Variants in UBE2U observed in about 807,000 individuals in gnomAD.
UBE2U encodes ubiquitin-conjugating enzyme E2 U.
A neutral mutation model predicts 41.2 loss-of-function variants in UBE2U; 39 were observed. The ratio of observed to expected loss-of-function variants is 0.95; its 90% CI spans 0.73 to 1.24. The LOEUF is 1.24. UBE2U is among the 50% of genes most tolerant of loss of function. UBE2U has a pLI of 0.00. For missense variants in UBE2U, 336 were observed against 363.1 expected, an observed-to-expected ratio of 0.93 and a Z score of 0.61; for synonymous variants, 107 against 117.8, an observed-to-expected ratio of 0.91 and a Z score of 0.60.
rs1645267240 is a variant in UBE2U, at chr1:64,267,174, C to A, written c.920C>A (p.Thr307Asn). 1 of 1,539,602 alleles carries A rather than the reference C, an allele frequency of 6.5e-7. No homozygotes were observed. Among genetic ancestry groups the A allele is most frequent in the African/African-American group, 1.4e-5 (1 of 72,204 alleles). Residue 307 changes from threonine to asparagine, a missense_variant, in exon 10 of 10, where the codon ACC becomes AAC. Physicochemically the swap from Thr to Asn is moderately conservative, Grantham distance 65. Transcript: ENST00000371077. ...GAAGTGGAAGATCTGATCTCCTGGA[C>A]CAATACTCTCAATACAAATACTTCA... The part of the protein sequence containing the change: ...EEEVEDLISW[T>N]NTLNTNTSED
intron 7 of UBE2U, among the ~76,000 whole-genome samples, chr1:64,237,189 T>C (rs1350603316): frequency 1.3e-5 from 2 of 150,778 alleles, no homozygotes; most frequent in Admixed American, 6.7e-5. Context: ...TGTGTGAAAA[T>C]AGAACATGCT....
At chr1:64,224,706 G>C (rs1652738623) in intron 6 of UBE2U, among the ~76,000 whole-genome samples, 1 of 147,820 alleles carries the variant, frequency 6.8e-6, no homozygotes, top group Non-Finnish European at 1.5e-5. Context: ...CTGGGCAACA[G>C]AGCGAGACTC....
chr1:64,242,063 T>A (rs11208388), intron 8 of UBE2U, among the ~76,000 whole-genome samples: 3,047 of 151,882 alleles, frequency 0.02, 116 homozygotes, highest in African/African-American at 0.07. Flanking sequence ...AGCTTTTTTT[T>A]TAAAAAAAAG....
intron 8 of UBE2U, among the ~76,000 whole-genome samples, chr1:64,258,341 C>CT (rs1245813350): frequency 1.3e-5 from 2 of 151,526 alleles, no homozygotes; most frequent in Non-Finnish European, 2.9e-5. Context: ...TTTTTTTATA[C>CT]TTTAAGTTCT....
chr1:64,213,916 C>G (rs1041993565), intron 4 of UBE2U, among the ~76,000 whole-genome samples: 4 of 151,908 alleles, frequency 2.6e-5, no homozygotes, highest in African/African-American at 9.7e-5. Flanking sequence ...CACTATAGGC[C>G]ATTGTAACAC....
intron 7 of UBE2U, among the ~76,000 whole-genome samples, chr1:64,239,157 A>AAGAAGAAGAAGGAAGAAGAAGAAGAAG: frequency 8.1e-5 from 3 of 37,066 alleles, no homozygotes; most frequent in Admixed American, 3.2e-4. Context: ...GAAGAAGAAG[A>AAGAAGAAGAAGGAAGAAGAAGAAGAAG]AAGAAGAAGA....
intron 5 of UBE2U, among the ~76,000 whole-genome samples, chr1:64,219,815 G>A (rs963825325): frequency 6.6e-6 from 1 of 152,006 alleles, no homozygotes; most frequent in African/African-American, 2.4e-5. Flanking sequence ...AACCAGGATG[G>A]TCTCGATCTC....
intron 7 of UBE2U, among the ~76,000 whole-genome samples, chr1:64,235,018 C>A (rs534260463): frequency 5.9e-5 from 9 of 152,016 alleles, no homozygotes; most frequent in African/African-American, 2.2e-4. Flanking sequence ...CTTGGAAACT[C>A]CAAACTGCTA....
At chr1:64,263,621 C>G (rs768334321) in intron 9 of UBE2U, among the ~76,000 whole-genome samples, 17 of 152,094 alleles carry the variant, frequency 1.1e-4, no homozygotes, top group Non-Finnish European at 2.2e-4. Flanking sequence ...CGAGAATGAA[C>G]TTATATAGGA....
rs769724235 is a variant in UBE2U at position 64,214,883 on chromosome 1, T to C, written c.408T>C (p.Asp136=). 12 of 1,614,198 alleles carry C rather than the reference T, an allele frequency of 7.4e-6. No homozygotes were observed. Among genetic ancestry groups the C allele is most frequent in the Non-Finnish European group, 1.0e-5 (12 of 1,180,004 alleles). Residue 136 remains aspartate (D), a synonymous_variant, in exon 5 of 10, where the codon GAT becomes GAC. Transcript: ENST00000371077. ...NLEAARILVK[D]ESLYRTILRL... is the part of the protein sequence containing the mutation. ...AAGCAGCCAGAATACTGGTTAAAGA[T>C]GAATCTCTGTACAGAACAATTCTAA...
intron 3 of UBE2U, among the ~76,000 whole-genome samples, chr1:64,209,082 T>C (rs1569949411): frequency 6.6e-6 from 1 of 152,312 alleles, no homozygotes. Context: ...ATTAGATTTT[T>C]TATGTTTTTT....
intron 7 of UBE2U, among the ~76,000 whole-genome samples, chr1:64,234,142 C>T (rs1644623005): frequency 6.6e-6 from 1 of 152,180 alleles, no homozygotes; most frequent in Non-Finnish European, 1.5e-5. Flanking sequence ...TCTGAATTTT[C>T]CATGCATATT....
At chr1:64,239,157 A>AAGAAGAAGAAGAAGAAGAAGAAGAAAG in intron 7 of UBE2U, among the ~76,000 whole-genome samples, 4 of 37,068 alleles carry the variant, frequency 1.1e-4, no homozygotes, top group Non-Finnish European at 2.3e-4. Flanking sequence ...GAAGAAGAAG[A>AAGAAGAAGAAGAAGAAGAAGAAGAAAG]AAGAAGAAGA....
chr1:64,241,612 A>T, intron 7 of UBE2U, 40 bp from the exon 8 acceptor site: 7 of 1,412,184 alleles, frequency 5.0e-6, no homozygotes, highest in Non-Finnish European at 6.9e-6. Flanking sequence ...ATTATTAAAG[A>T]ATGTATGTAT....
chr1:64,265,310 T>C (rs566618958), intron 9 of UBE2U, among the ~76,000 whole-genome samples: 1 of 152,268 alleles, frequency 6.6e-6, no homozygotes, highest in South Asian at 2.1e-4. Flanking sequence ...TTAAACTGGG[T>C]TGACTTGGCT....
intron 4 of UBE2U, among the ~76,000 whole-genome samples, chr1:64,213,198 C>T (rs1270995959): frequency 6.6e-6 from 1 of 152,154 alleles, no homozygotes; most frequent in Non-Finnish European, 1.5e-5. Context: ...GGCAATCCTG[C>T]TCATACTTAT....
intron 9 of UBE2U, among the ~76,000 whole-genome samples, chr1:64,261,685 G>A (rs1012576668): frequency 1.3e-5 from 2 of 152,118 alleles, no homozygotes; most frequent in African/African-American, 2.4e-5. Flanking sequence ...CAGGGTACCT[G>A]TGAGGTAGGA....
rs368648596 is a variant in UBE2U at position 64,240,942 on chromosome 1, C to A, written c.596-710C>A. Among the ~76,000 whole-genome samples, 10 of 152,042 alleles carry A rather than the reference C, an allele frequency of 6.6e-5. No homozygotes were observed. In the South Asian group the frequency reaches 2.1e-3, roughly 32 times the overall value. On this transcript the variant is annotated intron_variant, in intron 7 of 9. Coordinates refer to ENST00000371077, the MANE Select transcript of UBE2U (RefSeq NM_001366232.2). ...ATGGGGTTTCACCACATTGGCCAGG[C>A]TATATTTCAATAAATTTAAAGATCT...
chr1:64,207,448 T>A (rs1317007486), intron 3 of UBE2U, among the ~76,000 whole-genome samples: 2 of 152,214 alleles, frequency 1.3e-5, no homozygotes, highest in African/African-American at 4.8e-5. Context: ...CTGGCCTAGG[T>A]TTTTAATTTT....
Sources: gnomAD v4.1 joint callset for allele counts (sites outside exome capture counted in the v4.1 genomes callset) on GRCh38, gnomAD v4.1.1 for gene constraint, MANE v1.5 for transcripts, NCBI Gene and HGNC (gene_info 2026-07-23, HGNC 2026-07-21) for gene names.